Variants in FNDC3B observed in about 807,000 individuals in gnomAD.
FNDC3B encodes fibronectin type III domain containing 3B, also known as fibronectin type III domain-containing protein 3B.
In FNDC3B, 12 loss-of-function variants were observed where a neutral mutation model predicts 151.5. The ratio of observed to expected loss-of-function variants is 0.08; its 90% CI spans 0.05 to 0.13. The LOEUF (loss-of-function observed/expected upper bound fraction) is 0.13. Ranked by LOEUF, FNDC3B falls within the 10% of genes least tolerant of loss-of-function variation. FNDC3B has a pLI of 1.00. For missense variants in FNDC3B, 1,214 were observed against 1,505.3 expected, an observed-to-expected ratio of 0.81 and a Z score of 3.20; for synonymous variants, 528 against 549.0, an observed-to-expected ratio of 0.96 and a Z score of 0.54.
At chr3:172,093,465 A>G (rs923987299) in intron 1 of FNDC3B, among the ~76,000 whole-genome samples, 3 of 151,806 alleles carry the variant, frequency 2.0e-5, no homozygotes, top group Non-Finnish European at 2.9e-5. Flanking sequence ...TCATCGTGTT[A>G]GCCAGGATGG....
chr3:172,237,087 A>G (rs1430646489), intron 4 of FNDC3B, among the ~76,000 whole-genome samples: 1 of 152,248 alleles, frequency 6.6e-6, no homozygotes, highest in East Asian at 1.9e-4. Context: ...GTACAAAGCC[A>G]GTGGAAGGAT....
At chr3:172,044,673 T>G (rs1408842340) in intron 1 of FNDC3B, among the ~76,000 whole-genome samples, 4 of 152,186 alleles carry the variant, frequency 2.6e-5, no homozygotes. Context: ...TTTTCAAGGA[T>G]AAGATACCAC....
intron 3 of FNDC3B, among the ~76,000 whole-genome samples, chr3:172,189,213 TA>T (rs1234664160): frequency 4.6e-5 from 7 of 152,206 alleles, no homozygotes; most frequent in Admixed American, 3.3e-4. Context: ...GGTGTTATTT[TA>T]GGGGGGAAGA....
At chr3:172,379,390 C>T (rs989992738) in intron 24 of FNDC3B, among the ~76,000 whole-genome samples, 1 of 152,212 alleles carries the variant, frequency 6.6e-6, no homozygotes, top group Non-Finnish European at 1.5e-5. Flanking sequence ...CTCTCTACTC[C>T]CACATGAAGG....
chr3:172,049,557 C>T (rs1031473115), intron 1 of FNDC3B, among the ~76,000 whole-genome samples: 1 of 152,000 alleles, frequency 6.6e-6, no homozygotes. Flanking sequence ...GATAGAATTT[C>T]GCTCTTATTG....
rs150102949 is a variant in FNDC3B at position 172,142,163 on chromosome 3, A to G, written c.187+8617A>G. On this transcript the variant is annotated intron_variant, in intron 3 of 25. Coordinates refer to ENST00000415807, the MANE Select transcript of FNDC3B (RefSeq NM_022763.4). ...ATTTCTGAGTCATAGTAGGGGCCCA[A>G]TAAATAGGAGTGATTACTAAGCTTT... is the stretch of plus-strand genomic sequence containing the variant. 7.5e-3 allele frequency among the ~76,000 whole-genome samples: 1,144 copies of G among 152,316 alleles called. 17 individuals are homozygous for G. The highest frequency in any genetic ancestry group is 0.026 in the African/African-American group (1,083 of 41,574).
chr3:172,273,463 C>G (rs1036536733), intron 6 of FNDC3B, among the ~76,000 whole-genome samples: 6 of 152,212 alleles, frequency 3.9e-5, no homozygotes, highest in African/African-American at 1.4e-4. Flanking sequence ...GACTACTTCT[C>G]TGTTCATTCT....
At chr3:172,093,678 T>C (rs1718959928) in intron 1 of FNDC3B, among the ~76,000 whole-genome samples, 1 of 152,104 alleles carries the variant, frequency 6.6e-6, no homozygotes, top group Non-Finnish European at 1.5e-5. Flanking sequence ...GGATTACTGG[T>C]GTGAGTCACT....
chr3:172,151,510 C>T (rs943521705), intron 3 of FNDC3B, among the ~76,000 whole-genome samples: 2 of 152,050 alleles, frequency 1.3e-5, no homozygotes, highest in Non-Finnish European at 2.9e-5. Flanking sequence ...GATATATTAC[C>T]TTTGGATCTA....
At chr3:172,174,139 C>G (rs898569610) in intron 3 of FNDC3B, among the ~76,000 whole-genome samples, 1 of 152,020 alleles carries the variant, frequency 6.6e-6, no homozygotes, top group Non-Finnish European at 1.5e-5. Flanking sequence ...TGCAGAATGA[C>G]TCTCATTCTC....
At chr3:172,255,997 C>T (rs13094143) in intron 6 of FNDC3B, among the ~76,000 whole-genome samples, 41,269 of 152,134 alleles carry the variant, frequency 0.27, 6,522 homozygotes, top group East Asian at 0.36. Flanking sequence ...TCATTTTCCT[C>T]TCCAGTGCAT....
intron 2 of FNDC3B, among the ~76,000 whole-genome samples, chr3:172,124,612 T>C (rs915599228): frequency 1.3e-5 from 2 of 152,250 alleles, no homozygotes; most frequent in Admixed American, 6.5e-5. Context: ...GTTAGGACTT[T>C]GAAAGAATGC....
intron 6 of FNDC3B, among the ~76,000 whole-genome samples, chr3:172,275,337 T>C (rs1365161573): frequency 9.2e-5 from 14 of 152,142 alleles, no homozygotes; most frequent in Admixed American, 9.2e-4. Flanking sequence ...CATTAAGGCC[T>C]ATGATGAATG....
chr3:172,149,276 T>C lies in FNDC3B; in HGVS notation c.187+15730T>C, dbSNP rs369860536. On this transcript the variant is annotated intron_variant, in intron 3 of 25. Transcript: ENST00000415807. ...TACAGTAAAAAATCAATTAACTAGA[T>C]TCTTAAATTTTCTCTTCCACTTTAA... Among the ~76,000 whole-genome samples, 31 of 152,330 alleles carry C rather than the reference T, an allele frequency of 2.0e-4. No individual in the cohort carries two copies. In the East Asian group the frequency reaches 3.5e-3, roughly 17 times the overall value.
At chr3:172,246,230 G>T (rs1342522989) in intron 4 of FNDC3B, among the ~76,000 whole-genome samples, 1 of 150,732 alleles carries the variant, frequency 6.6e-6, no homozygotes, top group Non-Finnish European at 1.5e-5. Context: ...CAGAGTGTGT[G>T]CCCGATCGTG....
At chr3:172,044,258 G>T (rs1405840600) in intron 1 of FNDC3B, among the ~76,000 whole-genome samples, 2 of 123,550 alleles carry the variant, frequency 1.6e-5, no homozygotes, top group Admixed American at 7.5e-5. Flanking sequence ...TTCTGATTTT[G>T]TATGGAATAG....
intron 3 of FNDC3B, among the ~76,000 whole-genome samples, chr3:172,215,726 T>A (rs1387547303): frequency 2.0e-5 from 3 of 152,166 alleles, no homozygotes; most frequent in African/African-American, 7.2e-5. Flanking sequence ...AGCAAATAAA[T>A]TCTGCCCCGT....
chr3:172,256,162 T>TG, intron 6 of FNDC3B, among the ~76,000 whole-genome samples: 1 of 152,306 alleles, frequency 6.6e-6, no homozygotes, highest in East Asian at 1.9e-4. Context: ...CCACCAGACA[T>TG]GCGGTGTTCT....
intron 3 of FNDC3B, among the ~76,000 whole-genome samples, chr3:172,221,805 C>A (rs1269641188): frequency 1.3e-5 from 2 of 152,174 alleles, no homozygotes; most frequent in Non-Finnish European, 2.9e-5. Context: ...TTATGAGATT[C>A]ATCAGAAGAC....
Sources: allele counts gnomAD v4.1 joint callset (sites outside exome capture counted in the v4.1 genomes callset), GRCh38; gene constraint gnomAD v4.1.1; transcripts MANE v1.5; gene names NCBI Gene and HGNC (gene_info 2026-07-23, HGNC 2026-07-21).